The following PPP1R16B variants were observed in gnomAD, a reference collection of about 807,000 sequenced individuals.
PPP1R16B encodes the protein protein phosphatase 1 regulatory subunit 16B.
Under a neutral mutation model 61.7 loss-of-function variants are expected in PPP1R16B, and 14 were observed. The observed-to-expected ratio is 0.23, with a 90% CI of 0.15 to 0.35. The LOEUF is 0.35. Among genes scored for constraint, PPP1R16B ranks in the 10% least tolerant of loss-of-function variants. PPP1R16B has a pLI of 1.00. For synonymous variants in PPP1R16B, 266 were observed against 305.3 expected (o/e 0.87, Z 1.34); for missense variants, 547 against 752.5 (o/e 0.73, Z 3.19).
At chr20:38,873,743 G>GTGT (rs2085146505) in intron 2 of PPP1R16B, among the ~76,000 whole-genome samples, 1 of 140,740 alleles carries the variant, frequency 7.1e-6, no homozygotes, top group African/African-American at 2.6e-5. Context: ...TCTTTTTTTT[G>GTGT]TTTTTTTTTT....
intron 1 of PPP1R16B, among the ~76,000 whole-genome samples, chr20:38,830,193 T>C (rs1284092277): frequency 2.0e-5 from 3 of 152,234 alleles, no homozygotes; most frequent in Non-Finnish European, 2.9e-5. Flanking sequence ...CCCACTCCCA[T>C]GTGTCTGTGC....
At chr20:38,861,631 C>T (rs1174163053) in intron 2 of PPP1R16B, among the ~76,000 whole-genome samples, 3 of 151,652 alleles carry the variant, frequency 2.0e-5, no homozygotes, top group Non-Finnish European at 2.9e-5. Flanking sequence ...GCTGTTGCCA[C>T]TTGAGGATCT....
At chr20:38,915,646 G>A (rs2085529809) in intron 10 of PPP1R16B, among the ~76,000 whole-genome samples, 1 of 152,106 alleles carries the variant, frequency 6.6e-6, no homozygotes, top group South Asian at 2.1e-4. Context: ...CACTGCGCCT[G>A]TCTAATTTTT....
chr20:38,809,518 AAG>A (rs2084684548), intron 1 of PPP1R16B, among the ~76,000 whole-genome samples: 2 of 152,216 alleles, frequency 1.3e-5, no homozygotes, highest in Admixed American at 1.3e-4. Context: ...CAACAGCAAG[AAG>A]AGAGAGTGAC....
chr20:38,841,571 C>T lies in PPP1R16B; in HGVS notation c.250+5396C>T, dbSNP rs141775783. On this transcript the variant is annotated intron_variant, in intron 2 of 10. Transcript: ENST00000299824. ...TTTTCATCATCCCAAAAAGAAGCCT[C>T]ATGCCCATTTGCAGTGACTCCTGGT... is the stretch of plus-strand genomic sequence containing the variant. Among the ~76,000 whole-genome samples the T allele has an allele frequency of 4.9e-3, 747 of 152,258 alleles. 5 individuals are homozygous for T. The highest frequency in any genetic ancestry group is 0.011 in the Admixed American group (161 of 15,280).
chr20:38,860,273 T>C (rs903127446), intron 2 of PPP1R16B, among the ~76,000 whole-genome samples: 4 of 150,754 alleles, frequency 2.7e-5, no homozygotes, highest in African/African-American at 7.4e-5. Flanking sequence ...CGGCTAATTT[T>C]GTATTTTTAG....
chr20:38,868,280 A>T (rs144014238), intron 2 of PPP1R16B, among the ~76,000 whole-genome samples: 300 of 152,272 alleles, frequency 2.0e-3, no homozygotes, highest in Admixed American at 5.6e-3. Context: ...CACCCCTGTG[A>T]GCTAAGCTCA....
At chr20:38,888,618 C>T (rs553499644) in intron 2 of PPP1R16B, among the ~76,000 whole-genome samples, 3 of 152,202 alleles carry the variant, frequency 2.0e-5, no homozygotes, top group Non-Finnish European at 2.9e-5. Context: ...GCTGGAGGGC[C>T]TGAGATCACC....
chr20:38,849,767 G>A (rs1251059932), intron 2 of PPP1R16B, among the ~76,000 whole-genome samples: 2 of 151,814 alleles, frequency 1.3e-5, no homozygotes, highest in Non-Finnish European at 2.9e-5. Flanking sequence ...CATGTGCTGA[G>A]CATACCCATG....
At chr20:38,809,816 C>T (rs2084686771) in intron 1 of PPP1R16B, among the ~76,000 whole-genome samples, 3 of 151,692 alleles carry the variant, frequency 2.0e-5, no homozygotes, top group Admixed American at 2.0e-4. Flanking sequence ...CCCGTCTCTA[C>T]AAAAAATACA....
chr20:38,913,707 G>A (rs1247316619), intron 10 of PPP1R16B, among the ~76,000 whole-genome samples: 5 of 152,182 alleles, frequency 3.3e-5, no homozygotes, highest in African/African-American at 1.2e-4. Flanking sequence ...AGGCTGCAAG[G>A]ACTGAGGGTT....
intron 2 of PPP1R16B, among the ~76,000 whole-genome samples, chr20:38,877,330 T>C (rs1356743897): frequency 6.6e-6 from 1 of 151,646 alleles, no homozygotes; most frequent in Non-Finnish European, 1.5e-5. Flanking sequence ...TTTTTTTGAG[T>C]TGGAGTCTCG....
rs1271178806 is a variant in PPP1R16B at position 38,907,318 on chromosome 20, GA to G, written c.898+265del. Among the ~76,000 whole-genome samples, 15 of 102,746 alleles carry G rather than the reference GA, an allele frequency of 1.5e-4. No homozygotes were observed. The highest frequency in any genetic ancestry group is 3.2e-4 in the Non-Finnish European group (15 of 46,906). 67.4% of individuals were successfully genotyped at this position (102,746 alleles called of 152,430 possible). ...GAATGGATGGGTGGGTGGGTGGATG[GA>G]TGGATGGATGGATGGATGGATGGAT... On this transcript the variant is annotated intron_variant, in intron 8 of 10. Transcript: ENST00000299824. This position sits in a 1 kb window ranked among gnomAD's most constrained non-coding sequence, Gnocchi z 4.5.
intron 2 of PPP1R16B, among the ~76,000 whole-genome samples, chr20:38,889,152 G>A (rs567892459): frequency 9.2e-5 from 14 of 152,150 alleles, no homozygotes; most frequent in African/African-American, 3.4e-4. Flanking sequence ...GGCTCACCTC[G>A]ATGACCACTC....
chr20:38,836,286 C>T, intron 2 of PPP1R16B, 111 bp downstream of exon 2: 1 of 1,438,012 alleles, frequency 7.0e-7, no homozygotes, highest in Non-Finnish European at 9.2e-7. Flanking sequence ...TGCAGACCCA[C>T]TTCCAAGTTC....
chr20:38,904,670 G>A (rs929919742), intron 6 of PPP1R16B, among the ~76,000 whole-genome samples: 1 of 151,534 alleles, frequency 6.6e-6, no homozygotes, highest in Non-Finnish European at 1.5e-5. Context: ...AAAAAAAAAA[G>A]CTTCAAGCAA....
At chr20:38,810,523 A>G (rs570332550) in intron 1 of PPP1R16B, among the ~76,000 whole-genome samples, 1 of 152,290 alleles carries the variant, frequency 6.6e-6, no homozygotes, top group Admixed American at 6.5e-5. Flanking sequence ...AGCACGAAGA[A>G]GAAGAGGTCC....
At chr20:38,864,829 T>G (rs2085079017) in intron 2 of PPP1R16B, among the ~76,000 whole-genome samples, 1 of 152,220 alleles carries the variant, frequency 6.6e-6, no homozygotes. Flanking sequence ...TGGGTGACAC[T>G]GTGGGACTAA....
intron 5 of PPP1R16B, among the ~76,000 whole-genome samples, chr20:38,901,104 G>A (rs770398366): frequency 1.3e-5 from 2 of 152,244 alleles, no homozygotes; most frequent in South Asian, 2.1e-4. Context: ...TAAACAAGAT[G>A]TGGGCTGTTC....
Sources: gnomAD v4.1 joint callset for allele counts (sites outside exome capture counted in the v4.1 genomes callset) on GRCh38, gnomAD v4.1.1 for gene constraint, Gnocchi (gnomAD v3.1) non-coding constraint, MANE v1.5 for transcripts, NCBI Gene and HGNC (gene_info 2026-07-23, HGNC 2026-07-21) for gene names.